TSGA10: variants seen among roughly 807,000 people sequenced by gnomAD.
The protein encoded by TSGA10 is testis specific 10.
In TSGA10, 43 loss-of-function variants were observed where a neutral mutation model predicts 96.6. That is an observed-to-expected ratio of 0.44 (90% confidence interval 0.35 to 0.57). The LOEUF (loss-of-function observed/expected upper bound fraction) is 0.57, where lower values mean the gene tolerates loss of function less well. Among genes scored for constraint, TSGA10 ranks in the 20% least tolerant of loss-of-function variants. TSGA10 has a pLI of 0.01. For synonymous variants in TSGA10, 229 were observed against 269.9 expected, an observed-to-expected ratio of 0.85 and a Z score of 1.48; for missense variants, 703 against 834.4, an observed-to-expected ratio of 0.84 and a Z score of 1.94.
Position 99,008,555 on chromosome 2 carries a change from C to T in TSGA10, c.2072+9645G>A, listed in dbSNP as rs191055013. 1.2e-3 allele frequency among the ~76,000 whole-genome samples: 189 copies of T among 152,336 alleles called. 1 individual carries two copies. Among genetic ancestry groups the T allele is most frequent in the African/African-American group, 4.3e-3 (180 of 41,592 alleles). On this transcript the variant is annotated intron_variant, in intron 20 of 20. Transcript: ENST00000393483. ...TTGACAGTGTGTTCTATTAGTGACG[C>T]TGTGGGGAAACAGTACTTTCACACA...
intron 4 of TSGA10, among the ~76,000 whole-genome samples, chr2:99,114,525 T>C (rs2092087113): frequency 6.6e-6 from 1 of 152,222 alleles, no homozygotes. Flanking sequence ...CAAGACTTAC[T>C]GCTTACCTCT....
At chr2:99,142,438 G>A (rs919008093) in intron 1 of TSGA10, 4 of 152,152 alleles carry the variant, frequency 2.6e-5, no homozygotes, top group Non-Finnish European at 4.4e-5. Flanking sequence ...GATATCATTG[G>A]CAGGGATAAA....
At chr2:99,111,169 T>C (rs1453837030) in intron 4 of TSGA10, among the ~76,000 whole-genome samples, 1 of 152,112 alleles carries the variant, frequency 6.6e-6, no homozygotes, top group Non-Finnish European at 1.5e-5. Flanking sequence ...ACCAAATTAT[T>C]CCCCATAAAC....
intron 16 of TSGA10, among the ~76,000 whole-genome samples, chr2:99,045,119 A>G (rs1456744966): frequency 6.6e-6 from 1 of 152,196 alleles, no homozygotes; most frequent in Non-Finnish European, 1.5e-5. Flanking sequence ...CAATTAAAAG[A>G]ACTAGAGAAG....
At chr2:99,130,258 C>T (rs751415632) in intron 1 of TSGA10, among the ~76,000 whole-genome samples, 2 of 152,172 alleles carry the variant, frequency 1.3e-5, no homozygotes, top group African/African-American at 2.4e-5. Context: ...AGTGTAAAAG[C>T]GTTCCTATTT....
intron 11 of TSGA10, among the ~76,000 whole-genome samples, chr2:99,080,244 C>G (rs1222154521): frequency 1.3e-5 from 2 of 152,136 alleles, no homozygotes; most frequent in Non-Finnish European, 2.9e-5. Context: ...TCCAATGTGC[C>G]AAATCCAATC....
intron 10 of TSGA10, among the ~76,000 whole-genome samples, chr2:99,095,659 TCAGA>T (rs1453249295): frequency 6.6e-6 from 1 of 152,130 alleles, no homozygotes; most frequent in Non-Finnish European, 1.5e-5. Context: ...ATACAAAAGA[TCAGA>T]CAGAGTTTCG....
intron 4 of TSGA10, chr2:99,117,065 T>C (rs2092310430): frequency 1.3e-5 from 2 of 152,214 alleles, no homozygotes; most frequent in Non-Finnish European, 2.9e-5. Context: ...AACACGGAAG[T>C]GCAGATACCT....
intron 1 of TSGA10, among the ~76,000 whole-genome samples, chr2:99,127,453 A>G (rs1342789811): frequency 1.3e-5 from 2 of 152,200 alleles, no homozygotes; most frequent in Admixed American, 1.3e-4. Flanking sequence ...GTAGCAAATT[A>G]AAGAGTCTAC....
intron 1 of TSGA10, among the ~76,000 whole-genome samples, chr2:99,144,505 C>T (rs900772892): frequency 1.3e-5 from 2 of 151,262 alleles, no homozygotes; most frequent in Non-Finnish European, 2.9e-5. Context: ...TGAAAGCAGG[C>T]GGGGCACGGT....
At chr2:99,061,428 T>C (rs2084676287) in intron 16 of TSGA10, among the ~76,000 whole-genome samples, 1 of 152,168 alleles carries the variant, frequency 6.6e-6, no homozygotes, top group Non-Finnish European at 1.5e-5. Context: ...TATAACCACT[T>C]TGTTTTTTGT....
rs2077570525 is a variant in TSGA10, at chr2:98,997,586, A to G, written c.*611T>C. 6.6e-6 allele frequency: 1 copy of G among 152,178 alleles called. No individual in the cohort carries two copies. The highest frequency in any genetic ancestry group is 1.5e-5 in the Non-Finnish European group (1 of 67,994). The allele number at this position is 152,178 out of a possible 1,614,324, so 9.4% of individuals were successfully genotyped here. Reference sequence around the variant, plus strand: ...CATCACCTACCTTTCTAAAAGCAGTAGTAGTAAACACAATTGTAGAATATG... The same window carrying G: ...CATCACCTACCTTTCTAAAAGCAGTGGTAGTAAACACAATTGTAGAATATG... On this transcript the variant is annotated 3_prime_UTR_variant, in exon 21 of 21. Transcript: ENST00000393483.
chr2:99,029,026 T>C (rs149161115), intron 17 of TSGA10, among the ~76,000 whole-genome samples: 2,757 of 152,238 alleles, frequency 0.018, 86 homozygotes, highest in African/African-American at 0.063. Context: ...TTTGCAACTA[T>C]GCAAAAGAAC....
At chr2:99,093,946 G>C (rs192264886) in intron 10 of TSGA10, among the ~76,000 whole-genome samples, 3 of 151,952 alleles carry the variant, frequency 2.0e-5, no homozygotes, top group Admixed American at 6.6e-5. Flanking sequence ...CATAGCCAAG[G>C]CAAGACTAAG....
intron 15 of TSGA10, 132 bp downstream of exon 15, chr2:99,068,756 C>G (rs1030316729): frequency 2.4e-6 from 1 of 411,666 alleles, no homozygotes; most frequent in Non-Finnish European, 4.4e-6. Context: ...GTTAACCCAC[C>G]ATTGTCAAAA....
chr2:99,141,239 T>G, intron 1 of TSGA10: 1 of 965,646 alleles, frequency 1.0e-6, no homozygotes, highest in Admixed American at 4.6e-5. Flanking sequence ...CAAATCGTCC[T>G]GGCCCCGCCC....
chr2:99,020,252 C>T (rs1279090601), intron 18 of TSGA10, 28 bp downstream of exon 18: 1 of 1,589,460 alleles, frequency 6.3e-7, no homozygotes, highest in Non-Finnish European at 8.6e-7. Flanking sequence ...AGATGTATGA[C>T]TTTACTTTAT....
intron 10 of TSGA10, chr2:99,102,661 G>T: frequency 6.2e-7 from 1 of 1,613,998 alleles, no homozygotes; most frequent in Non-Finnish European, 8.5e-7. Context: ...AAATTCTATG[G>T]TGTAAAGTTC....
chr2:99,039,470 G>A (rs538734457), intron 16 of TSGA10, among the ~76,000 whole-genome samples: 5 of 151,870 alleles, frequency 3.3e-5, no homozygotes, highest in South Asian at 4.1e-4. Flanking sequence ...CCAATACCAC[G>A]GAAATACAAA....
Sources: gnomAD v4.1 joint callset for allele counts (sites outside exome capture counted in the v4.1 genomes callset) on GRCh38, gnomAD v4.1.1 for gene constraint, MANE v1.5 for transcripts, NCBI Gene and HGNC (gene_info 2026-07-23, HGNC 2026-07-21) for gene names.